The following CDK19 variants were observed in gnomAD, a reference collection of about 807,000 sequenced individuals.
The protein encoded by CDK19 is cyclin dependent kinase 19.
In CDK19, 20 loss-of-function variants were observed where a neutral mutation model predicts 68.3. The ratio of observed to expected loss-of-function variants is 0.29; its 90% CI spans 0.21 to 0.43. The LOEUF (loss-of-function observed/expected upper bound fraction) is 0.43, where lower values mean the gene tolerates loss of function less well. Among genes scored for constraint, CDK19 ranks in the 20% least tolerant of loss-of-function variants. The pLI is 1.00. For synonymous variants in CDK19, 221 were observed against 222.8 expected (o/e 0.99, Z 0.07); for missense variants, 339 against 623.5 (o/e 0.54, Z 4.86).
At chr6:110,662,039 G>T (rs1342413331) in intron 4 of CDK19, among the ~76,000 whole-genome samples, 1 of 151,964 alleles carries the variant, frequency 6.6e-6, no homozygotes, top group Non-Finnish European at 1.5e-5. Flanking sequence ...GCACGATCTC[G>T]GCTCACTGCA....
intron 4 of CDK19, among the ~76,000 whole-genome samples, chr6:110,666,971 T>TGTTA (rs1395039300): frequency 6.6e-6 from 1 of 152,194 alleles, no homozygotes; most frequent in Non-Finnish European, 1.5e-5. Flanking sequence ...ATATACCACC[T>TGTTA]GTTAGATTTA....
At chr6:110,747,217 T>C (rs2114883312) in intron 1 of CDK19, among the ~76,000 whole-genome samples, 1 of 152,318 alleles carries the variant, frequency 6.6e-6, no homozygotes, top group South Asian at 2.1e-4. Flanking sequence ...TACCTGCAGA[T>C]AGAGCAGTTT....
intron 1 of CDK19, among the ~76,000 whole-genome samples, chr6:110,757,301 T>C (rs1008972092): frequency 6.6e-6 from 1 of 152,146 alleles, no homozygotes; most frequent in African/African-American, 2.4e-5. Flanking sequence ...ACTATTAAAA[T>C]TCCCCGATAG....
chr6:110,770,759 A>AAAATCAAAAGCAAGC (rs1779959122), intron 1 of CDK19, among the ~76,000 whole-genome samples: 1 of 152,208 alleles, frequency 6.6e-6, no homozygotes, highest in Admixed American at 6.5e-5. Flanking sequence ...ATGAGCCTGT[A>AAAATCAAAAGCAAGC]AAATCAAAAG....
chr6:110,646,014 C>A (rs1465330675), intron 4 of CDK19: 5 of 1,007,764 alleles, frequency 5.0e-6, no homozygotes, highest in Admixed American at 2.0e-5. Context: ...GCAGGGTGTG[C>A]GGTCGCGGGA....
chr6:110,693,620 CA>C (rs1370719938), intron 2 of CDK19, among the ~76,000 whole-genome samples: 1 of 152,146 alleles, frequency 6.6e-6, no homozygotes, highest in Non-Finnish European at 1.5e-5. Context: ...TGAAGCCTGT[CA>C]TTGCTGGCTT....
At chr6:110,693,040 A>C (rs1773149940) in intron 2 of CDK19, among the ~76,000 whole-genome samples, 1 of 152,214 alleles carries the variant, frequency 6.6e-6, no homozygotes, top group South Asian at 2.1e-4. Context: ...GGGGTGAAAA[A>C]AGATATTCCA....
chr6:110,776,378 G>A (rs926274002), intron 1 of CDK19, among the ~76,000 whole-genome samples: 8 of 151,482 alleles, frequency 5.3e-5, no homozygotes, highest in African/African-American at 1.9e-4. Context: ...GCAGTGAGCC[G>A]AGATCGTGCC....
chr6:110,641,640 G>GGAAC (rs1562149875), intron 4 of CDK19, among the ~76,000 whole-genome samples: 10 of 131,394 alleles, frequency 7.6e-5, no homozygotes, highest in African/African-American at 3.0e-4. Context: ...AGGAGGAAAG[G>GGAAC]GAAAGAAAGG....
intron 1 of CDK19, 99 bp from the exon 2 acceptor site, chr6:110,746,300 T>C: frequency 1.5e-6 from 1 of 655,638 alleles, no homozygotes. Context: ...TTCTCAGTGA[T>C]ATGTAAACAT....
chr6:110,694,699 C>T lies in CDK19; in HGVS notation c.205-24158G>A, dbSNP rs141344780. The stretch of plus-strand genomic sequence containing the variant: ...TTCTACCCAACAACTGCGGAGAATA[C>T]GTTCTTTTCATTAGCACATGGAACA... On this transcript the variant is annotated intron_variant, in intron 2 of 12. Coordinates refer to ENST00000368911, the MANE Select transcript of CDK19 (RefSeq NM_015076.5). Among the ~76,000 whole-genome samples, 453 of 152,310 alleles carry T rather than the reference C, an allele frequency of 3.0e-3. 1 individual carries two copies. The highest frequency in any genetic ancestry group is 6.8e-3 in the Middle Eastern group (2 of 294).
chr6:110,809,852 A>T (rs1049000759), intron 1 of CDK19, among the ~76,000 whole-genome samples: 1 of 152,242 alleles, frequency 6.6e-6, no homozygotes, highest in Non-Finnish European at 1.5e-5. Context: ...TTTATGAGGC[A>T]TATTAGTATC....
chr6:110,648,749 GCT>G (rs568321990), intron 4 of CDK19, among the ~76,000 whole-genome samples: 1,527 of 151,836 alleles, frequency 0.01, 14 homozygotes, highest in Non-Finnish European at 0.017. Flanking sequence ...ATGGAGTCTT[GCT>G]CTGTCGCCCA....
chr6:110,743,968 T>G (rs1777873609), intron 2 of CDK19, among the ~76,000 whole-genome samples: 1 of 150,880 alleles, frequency 6.6e-6, no homozygotes, highest in African/African-American at 2.4e-5. Flanking sequence ...ACAAATCACT[T>G]ACCAAATGCT....
intron 2 of CDK19, among the ~76,000 whole-genome samples, chr6:110,736,285 G>C (rs1184121172): frequency 6.6e-6 from 1 of 152,190 alleles, no homozygotes; most frequent in East Asian, 1.9e-4. Flanking sequence ...AGGTTGAGGT[G>C]AGCCGAGATC....
At chr6:110,715,779 A>C (rs539403027) in intron 2 of CDK19, among the ~76,000 whole-genome samples, 5 of 152,278 alleles carry the variant, frequency 3.3e-5, no homozygotes, top group Admixed American at 2.6e-4. Context: ...GAGCCATCAC[A>C]CCCTGCCATC....
At chr6:110,750,836 C>A (rs1325434901) in intron 1 of CDK19, among the ~76,000 whole-genome samples, 2 of 151,940 alleles carry the variant, frequency 1.3e-5, no homozygotes, top group Non-Finnish European at 2.9e-5. Flanking sequence ...TCTGAAGATA[C>A]TTCTCTTTTT....
In CDK19 at chr6:110,613,509, T is replaced by C. The variant is rs1184650998; in HGVS notation, c.*1026A>G. The C allele has an allele frequency of 6.6e-6, 1 of 152,622 alleles. No homozygotes were observed. Among genetic ancestry groups the C allele is most frequent in the Non-Finnish European group, 1.5e-5 (1 of 68,044 alleles). The allele number at this position is 152,622 out of a possible 1,614,324, so 9.5% of individuals were successfully genotyped here. On this transcript the variant is annotated 3_prime_UTR_variant, in exon 13 of 13. Transcript: ENST00000368911. ...GCAGATTAATTTTCAGGCTTCTACTTGAGTAACCTTGATTATGCAAGAAAG... is the reference window on the plus strand; with the variant it reads ...GCAGATTAATTTTCAGGCTTCTACTCGAGTAACCTTGATTATGCAAGAAAG...
At chr6:110,733,254 A>G (rs931700394) in intron 2 of CDK19, among the ~76,000 whole-genome samples, 3 of 152,142 alleles carry the variant, frequency 2.0e-5, no homozygotes, top group African/African-American at 7.2e-5. Flanking sequence ...TGTTTCTGAG[A>G]TTCATCCATG....
Sources: gnomAD v4.1 joint callset for allele counts (sites outside exome capture counted in the v4.1 genomes callset) on GRCh38, gnomAD v4.1.1 for gene constraint, MANE v1.5 for transcripts, NCBI Gene and HGNC (gene_info 2026-07-23, HGNC 2026-07-21) for gene names.